SYN3: variants seen among roughly 807,000 people sequenced by gnomAD.
The protein encoded by SYN3 is synapsin III.
In SYN3, 35 loss-of-function variants were observed where a neutral mutation model predicts 65.8. The ratio of observed to expected loss-of-function variants is 0.53; its 90% CI spans 0.41 to 0.70. The LOEUF (loss-of-function observed/expected upper bound fraction) is 0.70, where lower values mean the gene tolerates loss of function less well. Ranked by LOEUF, SYN3 falls within the 30% of genes least tolerant of loss-of-function variation. The pLI, the probability that SYN3 is intolerant of heterozygous loss-of-function variation, is 0.00. For synonymous variants in SYN3, 270 were observed against 292.9 expected, an observed-to-expected ratio of 0.92 and a Z score of 0.80; for missense variants, 680 against 749.0, an observed-to-expected ratio of 0.91 and a Z score of 1.08.
rs1015388246 is a variant in SYN3 at position 32,671,314 on chromosome 22, ACCT to A, written c.712-74581_712-74579del. Reference sequence around the variant, plus strand: ...CTCACAGACACGCACACATTCACACACCTCCTGTCACATACACACACCCATCCA... The same window carrying A: ...CTCACAGACACGCACACATTCACACACCTGTCACATACACACACCCATCCA... On this transcript the variant is annotated intron_variant, in intron 6 of 13. Transcript: ENST00000358763. Among the ~76,000 whole-genome samples the A allele has an allele frequency of 4.2e-3, 635 of 151,022 alleles. 9 individuals carry two copies. The highest frequency in any genetic ancestry group is 0.015 in the African/African-American group (609 of 41,034).
intron 1 of SYN3, among the ~76,000 whole-genome samples, chr22:33,022,192 T>G (rs550893236): frequency 6.6e-6 from 1 of 152,342 alleles, no homozygotes; most frequent in East Asian, 1.9e-4. Flanking sequence ...CTATTAGGAA[T>G]CAGTATTTAG....
chr22:32,541,485 C>G, intron 8 of SYN3, 86 bp downstream of exon 8: 2 of 1,540,462 alleles, frequency 1.3e-6, no homozygotes, highest in Non-Finnish European at 1.8e-6. Context: ...AATGATGCAC[C>G]CTTGGGTGCA....
intron 4 of SYN3, among the ~76,000 whole-genome samples, chr22:32,893,123 C>T (rs781147731): frequency 6.6e-5 from 10 of 152,132 alleles, no homozygotes; most frequent in Admixed American, 1.3e-4. Flanking sequence ...GTTCTAGTCT[C>T]GCTCTCACTT....
At chr22:32,895,966 T>C (rs1023956521) in intron 4 of SYN3, among the ~76,000 whole-genome samples, 5 of 152,166 alleles carry the variant, frequency 3.3e-5, no homozygotes, top group Non-Finnish European at 7.4e-5. Context: ...TTGAATTAGT[T>C]AATCCACGTA....
chr22:32,520,909 A>G (rs1177044934), intron 12 of SYN3, among the ~76,000 whole-genome samples: 1 of 152,194 alleles, frequency 6.6e-6, no homozygotes, highest in Admixed American at 6.5e-5. Flanking sequence ...CATTTGTAAA[A>G]TAAGGTCATT....
intron 6 of SYN3, among the ~76,000 whole-genome samples, chr22:32,663,944 T>C (rs1278886543): frequency 6.6e-6 from 1 of 151,912 alleles, no homozygotes; most frequent in Non-Finnish European, 1.5e-5. Flanking sequence ...CCCCCCACAC[T>C]GCACATTTTG....
intron 4 of SYN3, among the ~76,000 whole-genome samples, chr22:32,904,864 T>C (rs994023557): frequency 2.6e-5 from 4 of 152,218 alleles, no homozygotes; most frequent in African/African-American, 9.6e-5. Context: ...AAAGTGTCAG[T>C]GTTGTAAGGC....
Position 32,686,365 on chromosome 22 carries a change from T to C in SYN3, c.712-89629A>G, listed in dbSNP as rs1475492017. On this transcript the variant is annotated intron_variant, in intron 6 of 13. Transcript: ENST00000358763. The stretch of plus-strand genomic sequence containing the variant: ...CGCCATGTGGGGATCTGACGTAGAC[T>C]GAGTGTTGTACATCTTCTACATCTC... Among the ~76,000 whole-genome samples, 3 of 150,718 alleles carry C rather than the reference T, an allele frequency of 2.0e-5. 1 individual carries two copies. Among genetic ancestry groups the C allele is most frequent in the Admixed American group, 2.0e-4 (3 of 15,100 alleles).
chr22:32,688,628 C>T (rs1491004042), intron 6 of SYN3, among the ~76,000 whole-genome samples: 3 of 152,110 alleles, frequency 2.0e-5, no homozygotes, highest in Non-Finnish European at 2.9e-5. Flanking sequence ...CTTCATTCCA[C>T]GTCTCTGTAC....
intron 7 of SYN3, among the ~76,000 whole-genome samples, chr22:32,561,656 G>A (rs550730832): frequency 3.6e-4 from 55 of 152,314 alleles, no homozygotes; most frequent in African/African-American, 8.2e-4. Flanking sequence ...ACCCGTCCCC[G>A]GAGCAGGTGA....
At chr22:32,939,753 G>T (rs113367672) in intron 3 of SYN3, among the ~76,000 whole-genome samples, 9 of 152,196 alleles carry the variant, frequency 5.9e-5, no homozygotes, top group African/African-American at 2.2e-4. Flanking sequence ...TATCCATTCT[G>T]CTGATGGTAG....
intron 6 of SYN3, among the ~76,000 whole-genome samples, chr22:32,843,085 T>C (rs868681248): frequency 9.2e-5 from 14 of 152,208 alleles, no homozygotes; most frequent in African/African-American, 3.4e-4. Flanking sequence ...CCTCCCATTT[T>C]TTTTTTTCCC....
intron 9 of SYN3, among the ~76,000 whole-genome samples, chr22:32,537,206 C>G (rs980244842): frequency 6.6e-6 from 1 of 151,992 alleles, no homozygotes; most frequent in Non-Finnish European, 1.5e-5. Context: ...TTTGCCCAGG[C>G]TGGAGTTCAA....
intron 6 of SYN3, among the ~76,000 whole-genome samples, chr22:32,785,653 A>C (rs575416915): frequency 6.6e-5 from 10 of 152,224 alleles, no homozygotes; most frequent in African/African-American, 1.7e-4. Flanking sequence ...AAAAGAAAGT[A>C]GTCAAACTTT....
intron 4 of SYN3, among the ~76,000 whole-genome samples, chr22:32,884,488 T>C (rs958135714): frequency 3.9e-5 from 6 of 152,216 alleles, no homozygotes; most frequent in Admixed American, 1.3e-4. Context: ...ACATAAAGAA[T>C]TGAGGCAATA....
chr22:32,577,690 T>C (rs922311481), intron 7 of SYN3, among the ~76,000 whole-genome samples: 2 of 152,204 alleles, frequency 1.3e-5, no homozygotes, highest in African/African-American at 2.4e-5. Context: ...TGGGAGCTTA[T>C]TTCCTACCAC....
chr22:32,660,889 CAT>C (rs1191833398), intron 6 of SYN3, among the ~76,000 whole-genome samples: 1 of 152,156 alleles, frequency 6.6e-6, no homozygotes, highest in Non-Finnish European at 1.5e-5. Flanking sequence ...CTTCTTGGGC[CAT>C]TAACATCCTT....
chr22:32,893,509 T>TA (rs1393470586), intron 4 of SYN3, among the ~76,000 whole-genome samples: 1 of 152,140 alleles, frequency 6.6e-6, no homozygotes, highest in Non-Finnish European at 1.5e-5. Flanking sequence ...AGTAGAGTCT[T>TA]AAAAATCAGT....
chr22:32,871,151 G>T (rs2048839981), intron 4 of SYN3, among the ~76,000 whole-genome samples: 1 of 152,228 alleles, frequency 6.6e-6, no homozygotes, highest in African/African-American at 2.4e-5. Flanking sequence ...AAGGTCTCCT[G>T]CTGGCCAGCC....
Sources: gnomAD v4.1 joint callset for allele counts (sites outside exome capture counted in the v4.1 genomes callset) on GRCh38, gnomAD v4.1.1 for gene constraint, MANE v1.5 for transcripts, NCBI Gene and HGNC (gene_info 2026-07-23, HGNC 2026-07-21) for gene names.